Variants in CDH4 observed in about 807,000 individuals in gnomAD.
CDH4 encodes the protein cadherin-4.
In CDH4, 33 loss-of-function variants were observed where a neutral mutation model predicts 86.0. That is an observed-to-expected ratio of 0.38 (90% CI 0.29 to 0.51). CDH4 has a LOEUF of 0.51. CDH4 is among the 20% of genes least tolerant of loss of function. The pLI, the probability that CDH4 is intolerant of heterozygous loss-of-function variation, is 0.86. For missense variants in CDH4, 1,114 were observed against 1,307.4 expected (o/e 0.85, Z 2.28); for synonymous variants, 555 against 549.4 (o/e 1.01, Z -0.14).
chr20:61,769,288 A>T (rs1166494247), intron 3 of CDH4, among the ~76,000 whole-genome samples: 1 of 152,138 alleles, frequency 6.6e-6, no homozygotes, highest in Non-Finnish European at 1.5e-5. Flanking sequence ...CTTAGGTGAG[A>T]CCTAGGAACC....
rs907816921 is a variant in CDH4, at chr20:61,661,093, G to GGGGC, written c.170-82468_170-82467insGCGG. ...TGGACAGGAGGCATGGCGGGGGGGG[G>GGGGC]GGAGACACAGTGCCAGGCTCATGCC... On this transcript the variant is annotated intron_variant, in intron 2 of 15. Transcript: ENST00000614565. Among the ~76,000 whole-genome samples, 21 of 102,194 alleles carry GGGGC rather than the reference G, an allele frequency of 2.1e-4. 3 individuals are homozygous for GGGGC. Among genetic ancestry groups the GGGGC allele is most frequent in the Non-Finnish European group, 3.1e-4 (12 of 38,488 alleles). 67.0% of individuals were successfully genotyped at this position (102,194 alleles called of 152,430 possible).
intron 2 of CDH4, among the ~76,000 whole-genome samples, chr20:61,596,567 G>A (rs1386981769): frequency 6.6e-6 from 1 of 152,172 alleles, no homozygotes; most frequent in Non-Finnish European, 1.5e-5. Context: ...GAAGATCAGG[G>A]GCAGTGATCA....
chr20:61,511,184 C>T (rs548231592), intron 2 of CDH4, among the ~76,000 whole-genome samples: 2 of 152,314 alleles, frequency 1.3e-5, no homozygotes, highest in East Asian at 1.9e-4. Context: ...ACCAGCAGGG[C>T]GGGACCGTGT....
intron 4 of CDH4, 61 bp downstream of exon 4, chr20:61,773,243 C>A (rs892039761): frequency 7.0e-7 from 1 of 1,431,810 alleles, no homozygotes; most frequent in Non-Finnish European, 9.3e-7. Flanking sequence ...GCTCTTCTCC[C>A]GACATCCCAA....
chr20:61,362,899 C>T (rs1445779765), intron 2 of CDH4, among the ~76,000 whole-genome samples: 1 of 152,184 alleles, frequency 6.6e-6, no homozygotes, highest in East Asian at 1.9e-4. Flanking sequence ...AGATGCCATT[C>T]CTAACTTTTC....
rs1332567446 is a variant in CDH4, at chr20:61,339,061, C to CA, written c.169+84124_169+84125insA. On this transcript the variant is annotated intron_variant, in intron 2 of 15. Transcript: ENST00000614565. ...TAAGCCACACATACACACGCACACA[C>CA]CCCCCATATATTCATGTTCTCATGG... 4.3e-3 allele frequency among the ~76,000 whole-genome samples: 654 copies of CA among 152,338 alleles called. 8 individuals carry two copies. Among genetic ancestry groups the CA allele is most frequent in the African/African-American group, 0.015 (611 of 41,572 alleles).
At chr20:61,889,952 TTGGATGATGGATGGA>T (rs755341758) in intron 7 of CDH4, among the ~76,000 whole-genome samples, 3 of 140,506 alleles carry the variant, frequency 2.1e-5, no homozygotes, top group Non-Finnish European at 4.6e-5. Flanking sequence ...GAGTGGATGG[TTGGATGATGGATGGA>T]TGGATGATGG....
At chr20:61,859,567 A>G (rs1283170772) in intron 6 of CDH4, among the ~76,000 whole-genome samples, 1 of 152,222 alleles carries the variant, frequency 6.6e-6, no homozygotes, top group Non-Finnish European at 1.5e-5. Flanking sequence ...GTTAATTTTT[A>G]TATAACATGT....
At chr20:61,858,479 G>A (rs904588585) in intron 6 of CDH4, among the ~76,000 whole-genome samples, 18 of 151,482 alleles carry the variant, frequency 1.2e-4, no homozygotes, top group African/African-American at 4.1e-4. Flanking sequence ...CTGTGTCTGT[G>A]TCTCTGTGTC....
At chr20:61,538,794 G>A (rs1017642402) in intron 2 of CDH4, among the ~76,000 whole-genome samples, 4 of 152,314 alleles carry the variant, frequency 2.6e-5, no homozygotes, top group Non-Finnish European at 2.9e-5. Context: ...GCCACTTCTC[G>A]TCTAATCAGC....
In CDH4 at chr20:61,934,098, C is replaced by T; in HGVS notation, c.2422C>T (p.His808Tyr). Residue 808 changes from histidine (H) to tyrosine (Y), a missense_variant, in exon 15 of 16, where the codon CAC becomes TAC. By Grantham distance (83) the His-to-Tyr change is moderately conservative. Coordinates refer to ENST00000614565, the MANE Select transcript of CDH4 (RefSeq NM_001794.5). Reference protein sequence around the residue: ...SQLQQPEAMGHVPSKAPGVRR... With the variant: ...SQLQQPEAMGYVPSKAPGVRR... ...GCTGCAGCAGCCGGAAGCCATGGGG[C>T]ACGTGCCAAGCAAAGCCCCTGGCGT... The T allele has an allele frequency of 1.2e-6, 2 of 1,611,438 alleles. No individual in the cohort carries two copies. The highest frequency in any genetic ancestry group is 1.3e-5 in the African/African-American group (1 of 75,016).
chr20:61,528,228 T>C (rs1416373046), intron 2 of CDH4, among the ~76,000 whole-genome samples: 1 of 150,372 alleles, frequency 6.7e-6, no homozygotes, highest in Non-Finnish European at 1.5e-5. Context: ...ATACAAAAAA[T>C]TAGCTGGGAG....
chr20:61,386,366 A>G (rs1188187402), intron 2 of CDH4, among the ~76,000 whole-genome samples: 2 of 152,048 alleles, frequency 1.3e-5, no homozygotes, highest in Non-Finnish European at 2.9e-5. Context: ...CAGACAGGAG[A>G]CATTGGATAA....
chr20:61,850,190 C>T (rs1258182908), intron 5 of CDH4, among the ~76,000 whole-genome samples: 2 of 152,248 alleles, frequency 1.3e-5, no homozygotes, highest in African/African-American at 4.8e-5. Context: ...ACGCTGTCAT[C>T]TTCCGAAAGT....
chr20:61,772,654 CTT>C (rs2088787788), intron 3 of CDH4, among the ~76,000 whole-genome samples: 1 of 152,098 alleles, frequency 6.6e-6, no homozygotes, highest in Non-Finnish European at 1.5e-5. Flanking sequence ...ACGTATTAGT[CTT>C]TTCTTTTGTG....
chr20:61,909,987 G>A (rs1324924831), intron 8 of CDH4, among the ~76,000 whole-genome samples: 1 of 152,252 alleles, frequency 6.6e-6, no homozygotes, highest in East Asian at 1.9e-4. Context: ...GCACCTGCCG[G>A]GCAGGTCTGC....
intron 4 of CDH4, among the ~76,000 whole-genome samples, chr20:61,825,340 T>C (rs377693341): frequency 6.6e-5 from 10 of 151,992 alleles, no homozygotes; most frequent in African/African-American, 2.4e-4. Flanking sequence ...ACCTGGGAGG[T>C]GTAGCAAGCT....
At chr20:61,256,677 T>G (rs1218898856) in intron 2 of CDH4, among the ~76,000 whole-genome samples, 1 of 152,024 alleles carries the variant, frequency 6.6e-6, no homozygotes, top group Non-Finnish European at 1.5e-5. Context: ...TGTGGACTCA[T>G]TTTCCAAGTG....
rs1262083912 is a variant in CDH4, at chr20:61,754,458, G to A, written c.396+10669G>A. ...CCCCAGGTCCCTCTGCTGCTACCCAGGCCCTTCCACTGCCCCTGCTGTCCC... is the reference window on the plus strand; with the variant it reads ...CCCCAGGTCCCTCTGCTGCTACCCAAGCCCTTCCACTGCCCCTGCTGTCCC... On this transcript the variant is annotated intron_variant, in intron 3 of 15. Coordinates refer to ENST00000614565, the MANE Select transcript of CDH4 (RefSeq NM_001794.5). This position sits in a 1 kb window ranked among gnomAD's most constrained non-coding sequence, Gnocchi z 4.7. 6.6e-6 allele frequency among the ~76,000 whole-genome samples: 1 copy of A among 152,120 alleles called. No individual in the cohort carries two copies. The highest frequency in any genetic ancestry group is 1.5e-5 in the Non-Finnish European group (1 of 68,016).
Sources: allele counts gnomAD v4.1 joint callset (sites outside exome capture counted in the v4.1 genomes callset), GRCh38; gene constraint gnomAD v4.1.1; non-coding constraint Gnocchi (gnomAD v3.1); transcripts MANE v1.5; gene names NCBI Gene and HGNC (gene_info 2026-07-23, HGNC 2026-07-21).